HIVEP3: variants seen among roughly 807,000 people sequenced by gnomAD.
HIVEP3 encodes the protein HIVEP zinc finger 3.
HIVEP3 carries 49 observed loss-of-function variants against 152.8 expected under a neutral mutation model. That is an observed-to-expected ratio of 0.32 (90% CI 0.26 to 0.41). The LOEUF is 0.41. Ranked by LOEUF, HIVEP3 falls within the 10% of genes least tolerant of loss-of-function variation. The pLI is 1.00. For missense variants in HIVEP3, 2,790 were observed against 3,103.3 expected, an observed-to-expected ratio of 0.90 and a Z score of 2.40; for synonymous variants, 1,269 against 1,289.0, an observed-to-expected ratio of 0.98 and a Z score of 0.33.
chr1:42,025,573 T>C (rs1212495197), intron 1 of HIVEP3, among the ~76,000 whole-genome samples: 1 of 152,250 alleles, frequency 6.6e-6, no homozygotes, highest in African/African-American at 2.4e-5. Context: ...GTACGCTTTG[T>C]TATTTCTGAC....
chr1:41,860,229 A>T (rs1323655090), intron 1 of HIVEP3, among the ~76,000 whole-genome samples: 2 of 152,236 alleles, frequency 1.3e-5, no homozygotes, highest in Non-Finnish European at 2.9e-5. Flanking sequence ...TGCCTCTAGT[A>T]GCTACAGCAT....
chr1:41,510,763 T>A lies in HIVEP3; in HGVS notation c.6909A>T (p.Thr2303=), dbSNP rs1473328959. The A allele has an allele frequency of 6.3e-7, 1 of 1,596,998 alleles. No homozygotes were observed. Among genetic ancestry groups the A allele is most frequent in the South Asian group, 1.1e-5 (1 of 89,562 alleles). ...PHGTGAPAEP[T]PTHSPCTPPD... ...GTGGGGTGCAGGGGCTGTGCGTGGGTGTGGGCTCTGCAGGTGCCCCGGTCC... is the reference window on the plus strand; with the variant it reads ...GTGGGGTGCAGGGGCTGTGCGTGGGAGTGGGCTCTGCAGGTGCCCCGGTCC... The change falls in exon 9 of 9, where the codon ACA becomes ACT. Residue 2303 remains threonine, a synonymous_variant. Coordinates refer to ENST00000372583, the MANE Select transcript of HIVEP3 (RefSeq NM_024503.5).
intron 1 of HIVEP3, among the ~76,000 whole-genome samples, chr1:41,888,934 TACAC>T (rs901683581): frequency 7.2e-5 from 8 of 110,734 alleles, no homozygotes; most frequent in African/African-American, 1.0e-4. Context: ...ACATGCCACA[TACAC>T]ACACAAAGAC....
At chr1:41,981,264 G>A (rs77054550) in intron 1 of HIVEP3, among the ~76,000 whole-genome samples, 237 of 152,294 alleles carry the variant, frequency 1.6e-3, no homozygotes, top group African/African-American at 4.9e-3. Context: ...GTAAAACATC[G>A]AAATAACAAC....
At chr1:41,621,272 G>A (rs557846290) in intron 3 of HIVEP3, among the ~76,000 whole-genome samples, 2 of 152,358 alleles carry the variant, frequency 1.3e-5, no homozygotes, top group South Asian at 2.1e-4. Context: ...CCTGGAATCT[G>A]CATTTTAAAG....
chr1:41,541,593 C>A (rs529436186), intron 5 of HIVEP3, among the ~76,000 whole-genome samples: 50 of 152,290 alleles, frequency 3.3e-4, no homozygotes, highest in Admixed American at 8.5e-4. Context: ...CAGATCCAAC[C>A]CCAGCTTCTC....
chr1:41,824,800 GAGAGAGAGAGAGAGAGAGAA>G (rs760695006), intron 1 of HIVEP3, among the ~76,000 whole-genome samples: 7,938 of 27,396 alleles, frequency 0.29, 527 homozygotes, highest in East Asian at 0.42. Context: ...GAGAGAGAGA[GAGAGAGAGAGAGAGAGAGAA>G]AGAGAGAGAG....
At chr1:41,572,588 G>A (rs1644266603) in intron 5 of HIVEP3, among the ~76,000 whole-genome samples, 1 of 152,204 alleles carries the variant, frequency 6.6e-6, no homozygotes, top group Non-Finnish European at 1.5e-5. Flanking sequence ...CTTGAGGGCA[G>A]GATGACAGTT....
intron 1 of HIVEP3, among the ~76,000 whole-genome samples, chr1:41,976,312 G>A (rs1022378186): frequency 2.6e-5 from 4 of 151,880 alleles, no homozygotes; most frequent in African/African-American, 7.2e-5. Context: ...AGTACTTTCA[G>A]GCTCAGAGGG....
At chr1:41,615,700 A>G (rs922813299) in intron 3 of HIVEP3, among the ~76,000 whole-genome samples, 1 of 152,126 alleles carries the variant, frequency 6.6e-6, no homozygotes, top group African/African-American at 2.4e-5. Context: ...GTAAACCCAG[A>G]AAACAATCAT....
chr1:41,511,235 G>A lies in HIVEP3; in HGVS notation c.6437C>T (p.Ser2146Leu), dbSNP rs1644451773. Residue 2146 changes from serine to leucine, a missense_variant, in exon 9 of 9, where the codon TCA (serine) becomes TTA (leucine). Coordinates refer to ENST00000372583, the MANE Select transcript of HIVEP3 (RefSeq NM_024503.5). The surrounding 1 kb of genome is among the most constrained non-coding windows in gnomAD (Gnocchi z 4.9). ...GGAGAGAGGATGAGCAGGGCCGGGT[G>A]AGCAGGAGGGACTTCGGGACTCGGC... ...QKAESRSPSCSPGPAHPLSSR... is the reference protein window; with the variant it reads ...QKAESRSPSCLPGPAHPLSSR... The A allele has an allele frequency of 1.2e-6, 2 of 1,611,062 alleles. No homozygotes were observed. Among genetic ancestry groups the A allele is most frequent in the Non-Finnish European group, 1.7e-6 (2 of 1,178,348 alleles).
At chr1:41,576,524 G>T (rs552595661) in intron 4 of HIVEP3, among the ~76,000 whole-genome samples, 37 of 152,370 alleles carry the variant, frequency 2.4e-4, no homozygotes, top group African/African-American at 8.4e-4. Context: ...GCTGTGCTTA[G>T]GGGCTGGGAG....
chr1:41,701,650 A>G (rs141429180), intron 1 of HIVEP3, among the ~76,000 whole-genome samples: 198 of 152,310 alleles, frequency 1.3e-3, no homozygotes, highest in African/African-American at 4.6e-3. Context: ...TATTTCTCCA[A>G]ACTCCTGATG....
chr1:41,781,670 A>G (rs999365595), intron 1 of HIVEP3, among the ~76,000 whole-genome samples: 5 of 152,244 alleles, frequency 3.3e-5, no homozygotes, highest in Admixed American at 6.5e-5. Context: ...TCAATGGGAT[A>G]GAGAAAGGTG....
intron 1 of HIVEP3, among the ~76,000 whole-genome samples, chr1:41,880,475 A>T (rs946850786): frequency 6.6e-6 from 1 of 152,218 alleles, no homozygotes; most frequent in African/African-American, 2.4e-5. Context: ...ATGCAGCACC[A>T]ACTCTGTAAA....
intron 1 of HIVEP3, among the ~76,000 whole-genome samples, chr1:41,757,779 T>C (rs1372685658): frequency 6.6e-6 from 1 of 151,918 alleles, no homozygotes; most frequent in African/African-American, 2.4e-5. Context: ...AATGGTGCGA[T>C]CTCAGCTCAC....
At chr1:41,635,172 C>T (rs1042245025) in intron 2 of HIVEP3, among the ~76,000 whole-genome samples, 2 of 152,026 alleles carry the variant, frequency 1.3e-5, no homozygotes, top group African/African-American at 4.8e-5. Flanking sequence ...ATGCACATGA[C>T]AATTTAAAAA....
intron 3 of HIVEP3, among the ~76,000 whole-genome samples, chr1:41,590,375 C>T (rs1157133831): frequency 6.6e-6 from 1 of 152,242 alleles, no homozygotes; most frequent in Non-Finnish European, 1.5e-5. Flanking sequence ...GCTGCCTTTC[C>T]CAGCCTCTCT....
intron 1 of HIVEP3, among the ~76,000 whole-genome samples, chr1:42,019,772 C>T (rs1487276526): frequency 6.6e-6 from 1 of 151,898 alleles, no homozygotes; most frequent in African/African-American, 2.4e-5. Flanking sequence ...TAATGCAATG[C>T]TAAATTAAAG....
Sources: gnomAD v4.1 joint callset for allele counts (sites outside exome capture counted in the v4.1 genomes callset) on GRCh38, gnomAD v4.1.1 for gene constraint, Gnocchi (gnomAD v3.1) non-coding constraint, MANE v1.5 for transcripts, NCBI Gene and HGNC (gene_info 2026-07-23, HGNC 2026-07-21) for gene names.